Variants in KAT6A observed in about 807,000 individuals in gnomAD.
KAT6A encodes histone acetyltransferase KAT6A.
Under a neutral mutation model 198.4 loss-of-function variants are expected in KAT6A, and 9 were observed. The ratio of observed to expected loss-of-function variants is 0.05; its 90% CI spans 0.03 to 0.08. The LOEUF (loss-of-function observed/expected upper bound fraction) is 0.08, where lower values mean the gene tolerates loss of function less well. Among genes scored for constraint, KAT6A ranks in the 10% least tolerant of loss-of-function variants. KAT6A has a pLI of 1.00. For missense variants in KAT6A, 2,077 were observed against 2,509.9 expected, an observed-to-expected ratio of 0.83 and a Z score of 3.69; for synonymous variants, 890 against 883.0, an observed-to-expected ratio of 1.01 and a Z score of -0.14.
chr8:42,018,465 T>C (rs971158696), intron 2 of KAT6A, among the ~76,000 whole-genome samples: 2 of 152,192 alleles, frequency 1.3e-5, no homozygotes, highest in African/African-American at 4.8e-5. Flanking sequence ...TAAGCCGAGA[T>C]TGTGCCACTG....
At chr8:42,029,575 T>C (rs929816683) in intron 2 of KAT6A, among the ~76,000 whole-genome samples, 1 of 151,442 alleles carries the variant, frequency 6.6e-6, no homozygotes, top group African/African-American at 2.4e-5. Flanking sequence ...TTTTGTTTTT[T>C]TTTTTTTGAA....
chr8:41,949,470 TA>T (rs199706316), intron 9 of KAT6A, 107 bp from the exon 10 acceptor site: 849 of 667,774 alleles, frequency 1.3e-3, no homozygotes, highest in African/African-American at 3.2e-3. Context: ...GGTAACAGGT[TA>T]AAAAAAAAAC....
intron 13 of KAT6A, 49 bp from the exon 14 acceptor site, chr8:41,943,049 A>G: frequency 6.2e-7 from 1 of 1,607,026 alleles, no homozygotes; most frequent in Non-Finnish European, 8.5e-7. Context: ...CAAGGTGTAC[A>G]TAAAAATGAA....
rs922781515 is a variant in KAT6A, at chr8:41,930,295, G to A, written c.*1910C>T. On this transcript the variant is annotated 3_prime_UTR_variant, in exon 17 of 17. Coordinates refer to ENST00000265713, the MANE Select transcript of KAT6A (RefSeq NM_006766.5). ...ACCAGGAAGCAATGACACAGCTGAA[G>A]ATGTAGGGCGATGGCAGCACAGTGC... 7.3e-6 allele frequency: 1 copy of A among 136,678 alleles called. No homozygotes were observed. Among genetic ancestry groups the A allele is most frequent in the African/African-American group, 3.2e-5 (1 of 31,160 alleles). The allele number at this position is 136,678 out of a possible 1,614,324, so 8.5% of individuals were successfully genotyped here.
chr8:41,977,256 C>G lies in KAT6A; in HGVS notation c.1115G>C (p.Ser372Thr), dbSNP rs1477768680. Residue 372 changes from serine to threonine, a missense_variant, in exon 7 of 17, where the codon AGC (serine) becomes ACC (threonine). Ser to Thr is a moderately conservative substitution (Grantham distance 58). Transcript: ENST00000265713. ...RGRKRKITLS[S>T]QSASSSSEEG... ...TTCTGATGATGATGATGCTGATTGG[C>G]TGGAAAGAGTGATTTTTCGTTTCCT... 1.2e-6 allele frequency: 2 copies of G among 1,614,056 alleles called. No individual in the cohort carries two copies. The highest frequency in any genetic ancestry group is 1.7e-6 in the Non-Finnish European group (2 of 1,180,020).
chr8:42,013,259 T>TC (rs1191809043), intron 2 of KAT6A, among the ~76,000 whole-genome samples: 1 of 96,772 alleles, frequency 1.0e-5, no homozygotes, highest in Non-Finnish European at 2.0e-5. Flanking sequence ...TTTCTTTCTT[T>TC]CTTTTTTTTT....
At chr8:41,979,890 A>G (rs553285677) in intron 5 of KAT6A, among the ~76,000 whole-genome samples, 3 of 152,226 alleles carry the variant, frequency 2.0e-5, no homozygotes, top group Non-Finnish European at 4.4e-5. Flanking sequence ...TCCCAGCTAC[A>G]TGGGAGGCTG....
chr8:41,978,919 A>C, intron 5 of KAT6A, 142 bp from the exon 6 acceptor site: 1 of 692,698 alleles, frequency 1.4e-6, no homozygotes, highest in South Asian at 1.9e-5. Context: ...CTCCAATCCA[A>C]AATAAACATT....
At position 42,048,620 on chromosome 8, in the gene KAT6A, T is replaced by C. The variant is rs771556654; in HGVS notation, c.358A>G (p.Ser120Gly). Reference sequence around the variant, plus strand: ...TGACCTTTCAAAAAACGTTCAATGCTTTTCAAAGTTGAGCCACCAGACTCT... The same window carrying C: ...TGACCTTTCAAAAAACGTTCAATGCCTTTCAAAGTTGAGCCACCAGACTCT... ...LAESGGSTLK[S>G]IERFLKGQKD... The change falls in exon 2 of 17, where the codon AGC becomes GGC. Residue 120 changes from serine to glycine, a missense_variant. By Grantham distance (56) the Ser-to-Gly change is moderately conservative. Transcript: ENST00000265713. 3.7e-6 allele frequency: 6 copies of C among 1,614,200 alleles called. No individual in the cohort carries two copies. In the Admixed American group the frequency reaches 1.0e-4, roughly 27 times the overall value.
intron 3 of KAT6A, 76 bp downstream of exon 3, chr8:41,987,379 T>C: frequency 1.2e-6 from 1 of 828,824 alleles, no homozygotes; most frequent in Non-Finnish European, 2.1e-6. Context: ...GGATCAAGGA[T>C]ACAAACTCAA....
At chr8:42,024,282 C>T (rs1212005486) in intron 2 of KAT6A, among the ~76,000 whole-genome samples, 2 of 152,110 alleles carry the variant, frequency 1.3e-5, no homozygotes, top group Admixed American at 6.5e-5. Flanking sequence ...TATGACATCA[C>T]TAGGTGTAGA....
rs562440531 is a variant in KAT6A, at chr8:42,044,216, T to G, written c.600+4162A>C. ...CCTGGGTTCAAGCGATTATCCTGCCTCAGCCTACCGAGTAGCTGGGATTAC... is the reference window on the plus strand; with the variant it reads ...CCTGGGTTCAAGCGATTATCCTGCCGCAGCCTACCGAGTAGCTGGGATTAC... On this transcript the variant is annotated intron_variant, in intron 2 of 16. Transcript: ENST00000265713. 1.2e-3 allele frequency among the ~76,000 whole-genome samples: 175 copies of G among 150,882 alleles called. 2 individuals are homozygous for G. Among genetic ancestry groups the G allele is most frequent in the South Asian group, 2.3e-3 (11 of 4,736 alleles).
intron 2 of KAT6A, among the ~76,000 whole-genome samples, chr8:42,016,851 A>G (rs900849104): frequency 4.6e-5 from 7 of 152,108 alleles, no homozygotes; most frequent in Non-Finnish European, 8.8e-5. Flanking sequence ...TTTTCAAAAT[A>G]TATTTTATAT....
intron 2 of KAT6A, among the ~76,000 whole-genome samples, chr8:42,044,137 G>T (rs1827796029): frequency 7.9e-6 from 1 of 127,168 alleles, no homozygotes; most frequent in Non-Finnish European, 1.6e-5. Flanking sequence ...GTCTTGCTCT[G>T]TTGCCCAGGC....
chr8:41,958,518 G>C (rs1823036611), intron 8 of KAT6A, among the ~76,000 whole-genome samples: 1 of 152,158 alleles, frequency 6.6e-6, no homozygotes, highest in Non-Finnish European at 1.5e-5. Flanking sequence ...CAAAGTTTAT[G>C]GGTAAGTTTT....
intron 8 of KAT6A, among the ~76,000 whole-genome samples, chr8:41,967,647 T>C (rs1337497950): frequency 1.3e-5 from 2 of 152,102 alleles, no homozygotes; most frequent in African/African-American, 2.4e-5. Flanking sequence ...TATGGCTACA[T>C]AGTATTCCAT....
chr8:42,046,825 G>C lies in KAT6A; in HGVS notation c.600+1553C>G, dbSNP rs367843235. Among the ~76,000 whole-genome samples the C allele has an allele frequency of 1.8e-4, 28 of 152,192 alleles. No homozygotes were observed. In the South Asian group the frequency reaches 4.6e-3, roughly 25 times the overall value. On this transcript the variant is annotated intron_variant, in intron 2 of 16. Coordinates refer to ENST00000265713, the MANE Select transcript of KAT6A (RefSeq NM_006766.5). ...TTTTAATAAATGCTCAAATTACATA[G>C]AGCCATTTTATGAATGAGATTCTCT...
intron 13 of KAT6A, 72 bp from the exon 14 acceptor site, chr8:41,943,072 AC>A: frequency 6.3e-7 from 1 of 1,581,112 alleles, no homozygotes; most frequent in Non-Finnish European, 8.6e-7. Context: ...TGGAGATGAG[AC>A]CCCTGGTGAA....
intron 1 of KAT6A, among the ~76,000 whole-genome samples, 179 bp downstream of exon 1, chr8:42,051,722 A>T (rs971420890): frequency 6.9e-6 from 1 of 144,166 alleles, no homozygotes; most frequent in Non-Finnish European, 1.5e-5. Context: ...GGCGGGCGCG[A>T]GGGGGCGGCC....
Sources: gnomAD v4.1 joint callset for allele counts (sites outside exome capture counted in the v4.1 genomes callset) on GRCh38, gnomAD v4.1.1 for gene constraint, MANE v1.5 for transcripts, NCBI Gene and HGNC (gene_info 2026-07-23, HGNC 2026-07-21) for gene names.